Variants in UBR2 observed in about 807,000 individuals in gnomAD.
UBR2 encodes E3 ubiquitin-protein ligase UBR2.
In UBR2, 92 loss-of-function variants were observed where a neutral mutation model predicts 247.9. The ratio of observed to expected loss-of-function variants is 0.37; its 90% CI spans 0.31 to 0.44. The LOEUF (loss-of-function observed/expected upper bound fraction) is 0.44. UBR2 is among the 20% of genes least tolerant of loss of function. UBR2 has a pLI of 1.00. For missense variants in UBR2, 1,613 were observed against 2,112.6 expected, an observed-to-expected ratio of 0.76 and a Z score of 4.64; for synonymous variants, 672 against 693.5, an observed-to-expected ratio of 0.97 and a Z score of 0.49.
chr6:42,583,877 C>T (rs139554681), intron 2 of UBR2, among the ~76,000 whole-genome samples: 1 of 152,028 alleles, frequency 6.6e-6, no homozygotes, highest in African/African-American at 2.4e-5. Context: ...TATGTCTGGG[C>T]CTATGATCTG....
Position 42,613,195 on chromosome 6 carries a change from CA to C in UBR2, c.985+906del, listed in dbSNP as rs1440034172. Among the ~76,000 whole-genome samples, 4 of 152,058 alleles carry C rather than the reference CA, an allele frequency of 2.6e-5. No homozygotes were observed. In the East Asian group the frequency reaches 7.7e-4, roughly 29 times the overall value. On this transcript the variant is annotated intron_variant, in intron 8 of 46. Coordinates refer to ENST00000372901, the MANE Select transcript of UBR2 (RefSeq NM_001363705.2). The stretch of plus-strand genomic sequence containing the variant: ...ATCCTCACATCTGCAACCAAAAATA[CA>C]AGCCTGGTGTGTAACACTAAAGGGT...
Position 42,661,130 on chromosome 6 carries a change from A to G in UBR2, c.3443-1054A>G, listed in dbSNP as rs1797776470. ...AACACAGTGAAACCCCATCTCTACT[A>G]AAAAATACAAAAAAAAATTAGCCAG... On this transcript the variant is annotated intron_variant, in intron 30 of 46. Coordinates refer to ENST00000372901, the MANE Select transcript of UBR2 (RefSeq NM_001363705.2). Among the ~76,000 whole-genome samples, 3 of 151,836 alleles carry G rather than the reference A, an allele frequency of 2.0e-5. No homozygotes were observed. The Middle Eastern group carries it at 0.01, about 516-fold the overall frequency.
At chr6:42,566,202 G>A (rs1308527499) in intron 1 of UBR2, among the ~76,000 whole-genome samples, 1 of 151,964 alleles carries the variant, frequency 6.6e-6, no homozygotes, top group Non-Finnish European at 1.5e-5. Flanking sequence ...CCAATTTGTA[G>A]AGGCTCCTGA....
chr6:42,688,354 C>T lies in UBR2; in HGVS notation c.4992C>T (p.Tyr1664=). ...EDVGACTAHT[Y]SCGSGVGIFL... Reference sequence around the variant, plus strand: ...TAGGAGCCTGCACAGCTCACACCTACTCCTGTGGCTCTGGAGTGGGCATCT... The same window carrying T: ...TAGGAGCCTGCACAGCTCACACCTATTCCTGTGGCTCTGGAGTGGGCATCT... Residue 1664 remains tyrosine (Y), a synonymous_variant, in exon 45 of 47, where the codon TAC becomes TAT. Coordinates refer to ENST00000372901, the MANE Select transcript of UBR2 (RefSeq NM_001363705.2). The T allele has an allele frequency of 1.9e-6, 3 of 1,613,682 alleles. No individual in the cohort carries two copies. The highest frequency in any genetic ancestry group is 1.7e-6 in the Non-Finnish European group (2 of 1,180,046).
intron 11 of UBR2, among the ~76,000 whole-genome samples, chr6:42,625,700 T>G (rs1483895635): frequency 2.6e-5 from 4 of 152,156 alleles, no homozygotes; most frequent in Non-Finnish European, 4.4e-5. Flanking sequence ...TCTGCCTACC[T>G]CAACCTCCCA....
At chr6:42,687,612 C>T (rs1799519760) in intron 44 of UBR2, among the ~76,000 whole-genome samples, 1 of 152,042 alleles carries the variant, frequency 6.6e-6, no homozygotes, top group African/African-American at 2.4e-5. Context: ...GTGATCTTGG[C>T]TCACAGCAAC....
intron 21 of UBR2, 91 bp from the exon 22 acceptor site, chr6:42,648,027 G>T (rs1796881420): frequency 5.0e-6 from 5 of 991,300 alleles, no homozygotes; most frequent in Non-Finnish European, 7.9e-6. Flanking sequence ...TCTACCTTAG[G>T]TTGTTATGAG....
rs1797926002 is a variant in UBR2, at chr6:42,663,303, A to G, written c.3582A>G (p.Arg1194=). 1 of 1,613,442 alleles carries G rather than the reference A, an allele frequency of 6.2e-7. No individual in the cohort carries two copies. Among genetic ancestry groups the G allele is most frequent in the South Asian group, 1.1e-5 (1 of 90,978 alleles). ...CTAAAGAACAGCGAAGGCAACAGAG[A>G]TTACGCTTACATACGAGCTATGATG... ...VQAKEQRRQQ[R]LRLHTSYDVE... The change falls in exon 32 of 47, where the codon AGA becomes AGG. Residue 1194 remains arginine, a synonymous_variant. Coordinates refer to ENST00000372901, the MANE Select transcript of UBR2 (RefSeq NM_001363705.2).
intron 11 of UBR2, among the ~76,000 whole-genome samples, chr6:42,618,607 T>G (rs1425513581): frequency 6.6e-6 from 1 of 152,200 alleles, no homozygotes; most frequent in Non-Finnish European, 1.5e-5. Context: ...TTAAAGAATT[T>G]TAAGTGGTAT....
chr6:42,632,475 A>AT (rs1554254954), intron 11 of UBR2, 77 bp from the exon 12 acceptor site: 92 of 1,325,816 alleles, frequency 6.9e-5, no homozygotes, highest in Non-Finnish European at 4.0e-6. Context: ...GAGCTAAACA[A>AT]TGTTGGTGAC....
At chr6:42,581,383 G>C (rs1562281448) in intron 2 of UBR2, among the ~76,000 whole-genome samples, 1 of 152,034 alleles carries the variant, frequency 6.6e-6, no homozygotes, top group South Asian at 2.1e-4. Context: ...TAGAGACCGG[G>C]TTTCGCCATG....
At chr6:42,690,936 C>T in intron 46 of UBR2, 96 bp from the exon 47 acceptor site, 1 of 1,495,990 alleles carries the variant, frequency 6.7e-7, no homozygotes, top group Non-Finnish European at 9.0e-7. Flanking sequence ...AGTCTAAAAC[C>T]AATAACTTGT....
rs1221847109 is a variant in UBR2 at position 42,635,520 on chromosome 6, A to G, written c.1648A>G (p.Met550Val). The change falls in exon 14 of 47, where the codon ATG becomes GTG. Residue 550 changes from methionine to valine, a missense_variant. Met to Val is a conservative substitution (Grantham distance 21). Transcript: ENST00000372901. ...AATGAAATTAACACATGTCATTTCA[A>G]TGATGCAGGACTGGTGTGCTTCAGA... is the stretch of plus-strand genomic sequence containing the variant. ...LQMKLTHVIS[M>V]MQDWCASDEK... The G allele has an allele frequency of 5.0e-6, 8 of 1,613,490 alleles. No homozygotes were observed. Among genetic ancestry groups the G allele is most frequent in the Non-Finnish European group, 6.8e-6 (8 of 1,179,516 alleles).
chr6:42,663,444 T>A (rs773609375), intron 32 of UBR2, 25 bp downstream of exon 32: 5 of 1,587,776 alleles, frequency 3.1e-6, no homozygotes, highest in Non-Finnish European at 4.3e-6. Context: ...ATGACAACTA[T>A]TACAAAGCAA....
At position 42,640,265 on chromosome 6, in the gene UBR2, C is replaced by A; in HGVS notation, c.1915C>A (p.Pro639Thr). The A allele has an allele frequency of 6.2e-7, 1 of 1,605,966 alleles. No individual in the cohort carries two copies. Among genetic ancestry groups the A allele is most frequent in the African/African-American group, 1.3e-5 (1 of 74,478 alleles). The change falls in exon 16 of 47, where the codon CCT becomes ACT. Residue 639 changes from proline to threonine, a missense_variant. Physicochemically the swap from Pro to Thr is conservative, Grantham distance 38. Coordinates refer to ENST00000372901, the MANE Select transcript of UBR2 (RefSeq NM_001363705.2). ...EVAYKFPELL[P>T]LSELSPPMLI... is the part of the protein sequence containing the mutation. ...GGCATATAAATTTCCAGAGCTCCTA[C>A]CTCTAGTAAGTGGTGCTTACATTTA...
At chr6:42,580,126 A>G (rs1445321658) in intron 2 of UBR2, among the ~76,000 whole-genome samples, 2 of 152,124 alleles carry the variant, frequency 1.3e-5, no homozygotes, top group Non-Finnish European at 2.9e-5. Flanking sequence ...TTCAATAAAT[A>G]CCCAGAGGTA....
At chr6:42,657,212 G>A (rs1749517199) in intron 26 of UBR2, among the ~76,000 whole-genome samples, 1 of 149,086 alleles carries the variant, frequency 6.7e-6, no homozygotes, top group Non-Finnish European at 1.5e-5. Flanking sequence ...TCCAGCCTGG[G>A]CGACAGAGTG....
intron 26 of UBR2, among the ~76,000 whole-genome samples, chr6:42,656,886 T>C (rs1797467900): frequency 6.6e-6 from 1 of 152,150 alleles, no homozygotes; most frequent in South Asian, 2.1e-4. Context: ...GGTGTGTTTA[T>C]TTTAGAATAA....
rs376055165 is a variant in UBR2 at position 42,652,020 on chromosome 6, T to C, written c.2566-3T>C. 18 of 1,587,628 alleles carry C rather than the reference T, an allele frequency of 1.1e-5. 1 individual carries two copies. The African/African-American group carries it at 2.3e-4, about 21-fold the overall frequency. On this transcript the variant is annotated splice_polypyrimidine_tract_variant and splice_region_variant and intron_variant, in intron 23 of 46. Coordinates refer to ENST00000372901, the MANE Select transcript of UBR2 (RefSeq NM_001363705.2). ...CGGTCCAAATAACTTTATTTTTTAT[T>C]AGGCAGAAGAAGCGCAACGGAAATT... is the stretch of plus-strand genomic sequence containing the variant.
Sources: gnomAD v4.1 joint callset for allele counts (sites outside exome capture counted in the v4.1 genomes callset) on GRCh38, gnomAD v4.1.1 for gene constraint, MANE v1.5 for transcripts, NCBI Gene and HGNC (gene_info 2026-07-23, HGNC 2026-07-21) for gene names.